Variants in TRIM33 observed in about 807,000 individuals in gnomAD.
TRIM33 encodes the protein E3 ubiquitin-protein ligase TRIM33.
Under a neutral mutation model 125.4 loss-of-function variants are expected in TRIM33, and 20 were observed. The ratio of observed to expected loss-of-function variants is 0.16; its 90% CI spans 0.11 to 0.23. The LOEUF (loss-of-function observed/expected upper bound fraction) is 0.23. Ranked by LOEUF, TRIM33 falls within the 10% of genes least tolerant of loss-of-function variation. The pLI is 1.00. For missense variants in TRIM33, 920 were observed against 1,411.4 expected (o/e 0.65, Z 5.58); for synonymous variants, 564 against 513.9 (o/e 1.10, Z -1.32).
chr1:114,436,014 C>T (rs1354495567), intron 4 of TRIM33, among the ~76,000 whole-genome samples: 1 of 150,740 alleles, frequency 6.6e-6, no homozygotes, highest in African/African-American at 2.4e-5. Context: ...CAGACACGAG[C>T]CACCACATCC....
In TRIM33 at chr1:114,463,109, T is replaced by C; in HGVS notation, c.918A>G (p.Glu306=). The change falls in exon 4 of 20, where the codon GAA becomes GAG. Residue 306 remains glutamate (E), a synonymous_variant. Transcript: ENST00000358465. ...AGCAATTATGATTTCTGTACCTATG[T>C]TCTTTGTGTTCCAATAGCTGACAGT... ...CRDCQLLEHK[E]HRYQFLEEAF... is the part of the protein sequence containing the mutation. 1 of 1,599,106 alleles carries C rather than the reference T, an allele frequency of 6.3e-7. No individual in the cohort carries two copies. The highest frequency in any genetic ancestry group is 1.8e-5 in the Admixed American group (1 of 55,730).
At chr1:114,468,421 C>T (rs1650434719) in intron 1 of TRIM33, 2 of 359,306 alleles carry the variant, frequency 5.6e-6, no homozygotes, top group Non-Finnish European at 1.1e-5. Context: ...ACAGAGGAGA[C>T]CCAGCCCTTA....
intron 11 of TRIM33, among the ~76,000 whole-genome samples, chr1:114,417,814 A>C (rs945845490): frequency 6.6e-6 from 1 of 152,008 alleles, no homozygotes; most frequent in African/African-American, 2.4e-5. Context: ...ATGCACCACC[A>C]TGCCCGGCTA....
rs1350391435 is a variant in TRIM33, at chr1:114,402,795, T to G, written c.2857A>C (p.Lys953Gln). 6.2e-7 allele frequency: 1 copy of G among 1,613,992 alleles called. No homozygotes were observed. Among genetic ancestry groups the G allele is most frequent in the Admixed American group, 1.7e-5 (1 of 59,978 alleles). ...ACGGGGCTTAACCCCTGCGCAGTTT[T>G]CCCCTTCTTACTATGTTGCAAATTA... Reference protein sequence around the residue: ...CDNLQHSKKGKTAQGLSPVDQ... With the variant: ...CDNLQHSKKGQTAQGLSPVDQ... Residue 953 changes from lysine (K) to glutamine (Q), a missense_variant, in exon 16 of 20, where the codon AAA becomes CAA. Physicochemically the swap from Lys to Gln is moderately conservative, Grantham distance 53. This residue lies in a region of TRIM33 where 122 missense variants were observed against 236.8 expected (regional missense o/e 0.52). Transcript: ENST00000358465.
At chr1:114,472,711 T>C (rs148638796) in intron 1 of TRIM33, among the ~76,000 whole-genome samples, 3 of 152,142 alleles carry the variant, frequency 2.0e-5, no homozygotes, top group East Asian at 3.9e-4. Flanking sequence ...TGAGAGCCTG[T>C]CTCAAAAATG....
At chr1:114,402,381 GTTA>G (rs1651951945) in intron 16 of TRIM33, among the ~76,000 whole-genome samples, 4 of 152,132 alleles carry the variant, frequency 2.6e-5, no homozygotes, top group Admixed American at 1.3e-4. Context: ...TCATATTATA[GTTA>G]TTATTATTTC....
At chr1:114,398,898 CA>C (rs372853872) in intron 18 of TRIM33, among the ~76,000 whole-genome samples, 375 of 60,764 alleles carry the variant, frequency 6.2e-3, no homozygotes, top group Non-Finnish European at 8.1e-3. Flanking sequence ...AACTTACCCT[CA>C]AAAAAAAAAA....
chr1:114,487,339 C>CAAAAAAA (rs35231757), intron 1 of TRIM33, among the ~76,000 whole-genome samples: 1 of 58,466 alleles, frequency 1.7e-5, no homozygotes, highest in Non-Finnish European at 3.5e-5. Context: ...CCATGCAGGC[C>CAAAAAAA]AAAAAAAAAA....
intron 1 of TRIM33, among the ~76,000 whole-genome samples, chr1:114,508,371 T>C (rs563099108): frequency 1.3e-5 from 2 of 152,314 alleles, no homozygotes; most frequent in Non-Finnish European, 2.9e-5. Context: ...TCTGTATTTC[T>C]GGGTTCCCTC....
chr1:114,396,904 G>A lies in TRIM33; in HGVS notation c.*744C>T, dbSNP rs1651567053. 1 of 212,504 alleles carries A rather than the reference G, an allele frequency of 4.7e-6. No individual in the cohort carries two copies. The highest frequency in any genetic ancestry group is 5.9e-5 in the Admixed American group (1 of 17,088). The allele number at this position is 212,504 out of a possible 1,614,324, so 13.2% of individuals were successfully genotyped here. A position where few individuals can be genotyped will look rare whatever the true frequency, so the allele number is the denominator to read the frequency against. Reference sequence around the variant, plus strand: ...ATTTGATTGGGAAGTACAATTGTGAGGAAGTGTTTTCTGGAAACAACTACT... The same window carrying A: ...ATTTGATTGGGAAGTACAATTGTGAAGAAGTGTTTTCTGGAAACAACTACT... On this transcript the variant is annotated 3_prime_UTR_variant, in exon 20 of 20. Transcript: ENST00000358465.
At chr1:114,447,884 C>T (rs1427756332) in intron 4 of TRIM33, among the ~76,000 whole-genome samples, 4 of 152,070 alleles carry the variant, frequency 2.6e-5, no homozygotes, top group African/African-American at 4.8e-5. Context: ...TATTCATGAC[C>T]TTGAAAAGAG....
Position 114,430,794 on chromosome 1 carries a change from A to G in TRIM33, c.1155+4T>C, listed in dbSNP as rs779888412. 3.0e-5 allele frequency: 45 copies of G among 1,500,308 alleles called. No homozygotes were observed. The Admixed American group carries it at 7.5e-4, about 25-fold the overall frequency. 92.9% of individuals were successfully genotyped at this position (1,500,308 alleles called of 1,614,324 possible). A position where few individuals can be genotyped will look rare whatever the true frequency, so the allele number is the denominator to read the frequency against. On this transcript the variant is annotated splice_donor_region_variant and intron_variant, in intron 6 of 19. Coordinates refer to ENST00000358465, the MANE Select transcript of TRIM33 (RefSeq NM_015906.4). ...TTTTGTTTTATTTTGGCTTTGAACC[A>G]TACCTCTAGCTGTTGTAAGAGAGAT...
chr1:114,505,400 A>T (rs1652937348), intron 1 of TRIM33, among the ~76,000 whole-genome samples: 1 of 152,124 alleles, frequency 6.6e-6, no homozygotes, highest in African/African-American at 2.4e-5. Context: ...AGGGACAAGA[A>T]ATTCCGAGGG....
In TRIM33 at chr1:114,510,716, G is replaced by A. The variant is rs772776342; in HGVS notation, c.361C>T (p.Leu121Phe). ...TGACACACGGCGCAGGTGTCCAGGA[G>A]CGAGGCTGGCGGTCCAGGAGGCGGC... ...AGPPPGPPAS[L>F]LDTCAVCQQS... The change falls in exon 1 of 20, where the codon CTC becomes TTC. Residue 121 changes from leucine to phenylalanine, a missense_variant. Physicochemically the swap from Leu to Phe is conservative, Grantham distance 22. Transcript: ENST00000358465. 1 of 1,537,076 alleles carries A rather than the reference G, an allele frequency of 6.5e-7. No individual in the cohort carries two copies.
chr1:114,437,262 T>C (rs961677907), intron 4 of TRIM33, among the ~76,000 whole-genome samples: 38 of 152,196 alleles, frequency 2.5e-4, no homozygotes, highest in Admixed American at 1.3e-4. Flanking sequence ...AACCAACAAA[T>C]GAACTAAATG....
At chr1:114,438,339 T>A (rs1396095561) in intron 4 of TRIM33, among the ~76,000 whole-genome samples, 6 of 152,360 alleles carry the variant, frequency 3.9e-5, no homozygotes, top group Admixed American at 1.3e-4. Context: ...TCCATTTTTT[T>A]AAATTACATT....
At chr1:114,467,030 T>G (rs557286829) in intron 1 of TRIM33, among the ~76,000 whole-genome samples, 1 of 152,218 alleles carries the variant, frequency 6.6e-6, no homozygotes, top group African/African-American at 2.4e-5. Context: ...TAAGAAACAT[T>G]CTGAAGGTCA....
intron 1 of TRIM33, among the ~76,000 whole-genome samples, chr1:114,470,291 A>ATC (rs1335965619): frequency 6.6e-6 from 1 of 152,108 alleles, no homozygotes; most frequent in East Asian, 1.9e-4. Context: ...TTTTCCCACA[A>ATC]TGTGTGCTCA....
intron 4 of TRIM33, among the ~76,000 whole-genome samples, chr1:114,437,093 C>T (rs1237496169): frequency 2.0e-5 from 3 of 152,038 alleles, no homozygotes; most frequent in Non-Finnish European, 4.4e-5. Context: ...TCCCCTTATC[C>T]CAAAATAAAT....
Sources: gnomAD v4.1 joint callset for allele counts (sites outside exome capture counted in the v4.1 genomes callset) on GRCh38, gnomAD v4.1.1 for gene constraint, gnomAD v4.1.1 regional missense constraint, MANE v1.5 for transcripts, NCBI Gene and HGNC (gene_info 2026-07-23, HGNC 2026-07-21) for gene names.